TAOK2: variants seen among roughly 807,000 people sequenced by gnomAD.
The protein encoded by TAOK2 is TAO kinase 2.
Under a neutral mutation model 122.5 loss-of-function variants are expected in TAOK2, and 42 were observed. That is an observed-to-expected ratio of 0.34 (90% CI 0.27 to 0.44). TAOK2 has a LOEUF of 0.44. Among genes scored for constraint, TAOK2 ranks in the 20% least tolerant of loss-of-function variants. The pLI, the probability that TAOK2 is intolerant of heterozygous loss-of-function variation, is 1.00. For missense variants in TAOK2, 1,264 were observed against 1,644.9 expected, an observed-to-expected ratio of 0.77 and a Z score of 4.01; for synonymous variants, 704 against 677.6, an observed-to-expected ratio of 1.04 and a Z score of -0.61.
At chr16:29,974,884 C>A (rs10871451) in intron 1 of TAOK2, among the ~76,000 whole-genome samples, 2 of 151,882 alleles carry the variant, frequency 1.3e-5, no homozygotes, top group East Asian at 3.9e-4. Context: ...ATGTCACCGG[C>A]GTTCACACCC....
downstream of TAOK2, chr16:29,989,731 G>A (rs1348068730): frequency 9.3e-6 from 15 of 1,614,042 alleles, no homozygotes; most frequent in East Asian, 2.2e-5. Context: ...GCTCAAGGAA[G>A]AGCAGACCCG....
At position 29,979,179 on chromosome 16, in the gene TAOK2, A is replaced by C. The variant is rs1228322871; in HGVS notation, c.450-16A>C. ...CTTGAGACACATGTCTCATCCCTGT[A>C]CTTTGCCTCTGGCAGGGATGTGAAG... On this transcript the variant is annotated splice_polypyrimidine_tract_variant and intron_variant, in intron 6 of 15. Transcript: ENST00000308893. The surrounding 1 kb of genome is among the most constrained non-coding windows in gnomAD (Gnocchi z 4.1). 2 of 1,613,912 alleles carry C rather than the reference A, an allele frequency of 1.2e-6. No homozygotes were observed. Among genetic ancestry groups the C allele is most frequent in the Admixed American group, 3.3e-5 (2 of 60,018 alleles).
downstream of TAOK2, chr16:29,991,024 A>G (rs772293534): frequency 3.8e-6 from 6 of 1,582,562 alleles, no homozygotes; most frequent in East Asian, 4.5e-5. The surrounding 1 kb of genome is among the most constrained non-coding windows in gnomAD (Gnocchi z 5.6). Flanking sequence ...CCCCGACTCT[A>G]ACCTCTGTTC....
At position 29,986,015 on chromosome 16, in the gene TAOK2, C is replaced by A. The variant is rs1233193921; in HGVS notation, c.1992+154C>A. On this transcript the variant is annotated intron_variant, in intron 15 of 15. Transcript: ENST00000308893. This position sits in a 1 kb window ranked among gnomAD's most constrained non-coding sequence, Gnocchi z 4.2. ...TGCCCCTTTTACTTCTCATCCCCAA[C>A]AGACCCTGCCAGAATTTCCTTAGGC... Among the ~76,000 whole-genome samples the A allele has an allele frequency of 2.0e-5, 3 of 152,214 alleles. No homozygotes were observed. The highest frequency in any genetic ancestry group is 4.4e-5 in the Non-Finnish European group (3 of 68,036).
chr16:29,988,755 C>A, downstream of TAOK2: 1 of 985,404 alleles, frequency 1.0e-6, no homozygotes, highest in Non-Finnish European at 1.2e-6. Context: ...TCAGGCATTA[C>A]CCTAGTGGGT....
In TAOK2 at chr16:29,987,277, C is replaced by T; in HGVS notation, c.3005C>T (p.Ser1002Phe). 1 of 1,526,422 alleles carries T rather than the reference C, an allele frequency of 6.6e-7. No individual in the cohort carries two copies. The highest frequency in any genetic ancestry group is 8.8e-7 in the Non-Finnish European group (1 of 1,141,372). The allele number at this position is 1,526,422 out of a possible 1,614,324, so 94.6% of individuals were successfully genotyped here. The change falls in exon 16 of 16, where the codon TCC becomes TTC. Residue 1002 changes from serine (S) to phenylalanine (F), a missense_variant. Ser to Phe is a radical substitution (Grantham distance 155). This residue lies in a region of TAOK2 where 824 missense variants were observed against 908.7 expected (regional missense o/e 0.91). Coordinates refer to ENST00000308893, the MANE Select transcript of TAOK2 (RefSeq NM_016151.4). The stretch of plus-strand genomic sequence containing the variant: ...GTGGGGCTGGTGGGTCTGGGGGCCT[C>T]CTACCTGCTCCTTTGTACAGCCCTG... ...LEVGLVGLGA[S>F]YLLLCTALHL...
At position 29,986,439 on chromosome 16, in the gene TAOK2, C is replaced by T; in HGVS notation, c.2167C>T (p.Arg723Trp). Residue 723 changes from arginine (R) to tryptophan (W), a missense_variant, in exon 16 of 16, where the codon CGG (arginine) becomes TGG (tryptophan). By Grantham distance (101) the Arg-to-Trp change is moderately radical (BLOSUM62 -3). Coordinates refer to ENST00000308893, the MANE Select transcript of TAOK2 (RefSeq NM_016151.4). This position sits in a 1 kb window ranked among gnomAD's most constrained non-coding sequence, Gnocchi z 4.2. ...ELGNQLEYNK[R>W]REQELRQKHA... ...GGGCAACCAGCTGGAGTACAACAAGCGGCGTGAGCAAGAGTTGCGGCAGAA... is the reference window on the plus strand; with the variant it reads ...GGGCAACCAGCTGGAGTACAACAAGTGGCGTGAGCAAGAGTTGCGGCAGAA... 1 of 1,608,116 alleles carries T rather than the reference C, an allele frequency of 6.2e-7. No individual in the cohort carries two copies. Among genetic ancestry groups the T allele is most frequent in the Non-Finnish European group, 8.5e-7 (1 of 1,177,278 alleles).
downstream of TAOK2, chr16:29,988,932 C>A (rs1352389506): frequency 1.0e-5 from 10 of 985,230 alleles, no homozygotes; most frequent in Non-Finnish European, 1.2e-5. Flanking sequence ...TAGCTGCTGG[C>A]CGGTTGAACT....
chr16:29,987,510 G>C lies in TAOK2; in HGVS notation c.3238G>C (p.Gly1080Arg), dbSNP rs778850239. The change falls in exon 16 of 16, where the codon GGC becomes CGC. Residue 1080 changes from glycine to arginine, a missense_variant. Around this residue, in one of 4 missense-constraint regions of TAOK2, gnomAD observed 824 missense variants for 908.7 expected, o/e 0.91. Transcript: ENST00000308893. ...GCAGCAGGGCCCCCGGGTGCGCCGG[G>C]GCATATCTCGACTCTGGTTGCGGGT... ...VRQQGPRVRR[G>R]ISRLWLRVLL... is the part of the protein sequence containing the mutation. 1.0e-4 allele frequency: 167 copies of C among 1,605,964 alleles called. 1 individual carries two copies. The highest frequency in any genetic ancestry group is 3.3e-4 in the Middle Eastern group (2 of 6,048).
In TAOK2 at chr16:29,979,338, G is replaced by C; in HGVS notation, c.563+30G>C. The C allele has an allele frequency of 6.2e-7, 1 of 1,611,924 alleles. No individual in the cohort carries two copies. The highest frequency in any genetic ancestry group is 8.5e-7 in the Non-Finnish European group (1 of 1,178,106). On this transcript the variant is annotated intron_variant, in intron 7 of 15. Transcript: ENST00000308893. This position sits in a 1 kb window ranked among gnomAD's most constrained non-coding sequence, Gnocchi z 4.1. Reference sequence around the variant, plus strand: ...GTGAGTGAGTGGTGGTGAGTGGAGAGACCTCCCAGGGATGTTGGGAGTAGG... The same window carrying C: ...GTGAGTGAGTGGTGGTGAGTGGAGACACCTCCCAGGGATGTTGGGAGTAGG...
chr16:29,989,677 C>T, downstream of TAOK2: 1 of 1,614,086 alleles, frequency 6.2e-7, no homozygotes. Context: ...AGCACACTTG[C>T]TGGAGACCAC....
rs747128900 is a variant in TAOK2 at position 29,986,642 on chromosome 16, CGAG to C, written c.2379_2381del (p.Glu794del). The C allele has an allele frequency of 3.1e-6, 5 of 1,611,286 alleles. No individual in the cohort carries two copies. The highest frequency in any genetic ancestry group is 4.2e-6 in the Non-Finnish European group (5 of 1,178,976). ...CAGTCCTGGACCAAAGAATGCTTGGCGAGGAGGAGGAAGCAGTTGGAGAGAGAA... is the reference window on the plus strand; with the variant it reads ...CAGTCCTGGACCAAAGAATGCTTGGCGAGGAGGAAGCAGTTGGAGAGAGAA... On this transcript the variant is annotated inframe_deletion, in exon 16 of 16. Transcript: ENST00000308893. This position sits in a 1 kb window ranked among gnomAD's most constrained non-coding sequence, Gnocchi z 4.2.
chr16:29,977,838 T>G lies in TAOK2; in HGVS notation c.66T>G (p.Asp22Glu). 1.2e-6 allele frequency: 2 copies of G among 1,614,196 alleles called. No homozygotes were observed. The highest frequency in any genetic ancestry group is 4.5e-5 in the East Asian group (2 of 44,878). Residue 22 changes from aspartate (D) to glutamate (E), a missense_variant, in exon 2 of 16, where the codon GAT becomes GAG. By Grantham distance (45) the Asp-to-Glu change is conservative. Coordinates refer to ENST00000308893, the MANE Select transcript of TAOK2 (RefSeq NM_016151.4). ...DPDVAELFFK[D>E]DPEKLFSDLR... ...ATGTGGCTGAGCTCTTCTTCAAGGA[T>G]GACCCAGAAAAGCTCTTCTCTGACC...
At chr16:29,991,431 C>T (rs1289573280), downstream of TAOK2, 3 of 1,522,918 alleles carry the variant, frequency 2.0e-6, no homozygotes, top group African/African-American at 1.4e-5. The surrounding 1 kb of genome is among the most constrained non-coding windows in gnomAD (Gnocchi z 5.6). Context: ...CAGCCCCCAG[C>T]CCCTGCGGCG....
chr16:29,991,780 C>T (rs984743303), downstream of TAOK2: 29 of 495,420 alleles, frequency 5.9e-5, no homozygotes, highest in African/African-American at 1.0e-4. This position sits in a 1 kb window ranked among gnomAD's most constrained non-coding sequence, Gnocchi z 5.6. Flanking sequence ...CTGGGAGCCC[C>T]GCCTCCCTAC....
chr16:29,974,838 CTGGT>C (rs1363424312), intron 1 of TAOK2, among the ~76,000 whole-genome samples, 190 bp downstream of exon 1: 2 of 152,134 alleles, frequency 1.3e-5, no homozygotes, highest in African/African-American at 4.8e-5. Flanking sequence ...TTCATTGTGT[CTGGT>C]TGGTGGGGGA....
In TAOK2 at chr16:29,978,269, C is replaced by T; in HGVS notation, c.222C>T (p.Ile74=). The T allele has an allele frequency of 6.2e-7, 1 of 1,614,064 alleles. No homozygotes were observed. Among genetic ancestry groups the T allele is most frequent in the South Asian group, 1.1e-5 (1 of 91,072 alleles). The change falls in exon 4 of 16, where the codon ATC becomes ATT. Residue 74 remains isoleucine (I), a synonymous_variant. Transcript: ENST00000308893. ...CCCCCTAGAAATGGCAAGACATCAT[C>T]AAGGAGGTGCGGTTCTTACAGAAGC... ...KQSNEKWQDI[I]KEVRFLQKLR... is the part of the protein sequence containing the mutation.
In TAOK2 at chr16:29,983,161, C is replaced by T. The variant is rs1313224703; in HGVS notation, c.1089C>T (p.Ser363=). The T allele has an allele frequency of 5.6e-6, 9 of 1,613,990 alleles. No homozygotes were observed. The highest frequency in any genetic ancestry group is 1.7e-5 in the Admixed American group (1 of 60,000). The change falls in exon 12 of 16, where the codon AGC becomes AGT. Residue 363 remains serine, a synonymous_variant. Coordinates refer to ENST00000308893, the MANE Select transcript of TAOK2 (RefSeq NM_016151.4). Reference sequence around the variant, plus strand: ...CCAGCATGTCCATCAGCGCCTCCAGCCAGAGCAGCTCCGTCAACAGCCTAG... The same window carrying T: ...CCAGCATGTCCATCAGCGCCTCCAGTCAGAGCAGCTCCGTCAACAGCCTAG... The part of the protein sequence containing the change: ...SVPSMSISAS[S]QSSSVNSLAD...
At chr16:29,981,147 T>C (rs1350891204) in intron 8 of TAOK2, 1 of 187,852 alleles carries the variant, frequency 5.3e-6, no homozygotes, top group East Asian at 1.4e-4. Flanking sequence ...TACAAAGCCC[T>C]TCTCTGAATT....
Sources: gnomAD v4.1 joint callset for allele counts (sites outside exome capture counted in the v4.1 genomes callset) on GRCh38, gnomAD v4.1.1 for gene constraint, gnomAD v4.1.1 regional missense constraint, Gnocchi (gnomAD v3.1) non-coding constraint, MANE v1.5 for transcripts, NCBI Gene and HGNC (gene_info 2026-07-23, HGNC 2026-07-21) for gene names.